The following CAMTA1 variants were observed in gnomAD, a reference collection of about 807,000 sequenced individuals.
The protein encoded by CAMTA1 is calmodulin-binding transcription activator 1.
CAMTA1 carries 27 observed loss-of-function variants against 170.9 expected under a neutral mutation model. That is an observed-to-expected ratio of 0.16 (90% CI 0.12 to 0.22). The LOEUF is 0.22. Among genes scored for constraint, CAMTA1 ranks in the 10% least tolerant of loss-of-function variants. CAMTA1 has a pLI of 1.00. For synonymous variants in CAMTA1, 833 were observed against 891.5 expected, an observed-to-expected ratio of 0.93 and a Z score of 1.17; for missense variants, 1,619 against 2,217.2, an observed-to-expected ratio of 0.73 and a Z score of 5.42.
intron 3 of CAMTA1, among the ~76,000 whole-genome samples, chr1:6,870,394 A>G (rs551648424): frequency 6.6e-6 from 1 of 152,296 alleles, no homozygotes; most frequent in African/African-American, 2.4e-5. Flanking sequence ...TTAGGGCACT[A>G]ACACTCGGAC....
chr1:7,495,022 G>C (rs1381919959), intron 6 of CAMTA1, among the ~76,000 whole-genome samples: 2 of 152,092 alleles, frequency 1.3e-5, no homozygotes, highest in Non-Finnish European at 2.9e-5. Context: ...CTTGTCCTGA[G>C]AAAAGGATCC....
intron 4 of CAMTA1, among the ~76,000 whole-genome samples, chr1:7,187,133 G>A (rs1653490417): frequency 6.6e-6 from 1 of 152,098 alleles, no homozygotes; most frequent in Non-Finnish European, 1.5e-5. Flanking sequence ...TGGGGCACAG[G>A]GCAGGGTGGG....
chr1:7,360,344 C>T (rs940955227), intron 5 of CAMTA1, among the ~76,000 whole-genome samples: 2 of 152,100 alleles, frequency 1.3e-5, no homozygotes, highest in African/African-American at 2.4e-5. Context: ...GGAGGTGATT[C>T]CCACCACAGC....
At chr1:7,000,373 A>G (rs1380780803) in intron 3 of CAMTA1, among the ~76,000 whole-genome samples, 1 of 152,228 alleles carries the variant, frequency 6.6e-6, no homozygotes, top group Non-Finnish European at 1.5e-5. Flanking sequence ...TGCGTCAGCC[A>G]CTGTCTTGCT....
intron 4 of CAMTA1, among the ~76,000 whole-genome samples, chr1:7,157,667 A>G (rs9434483): frequency 0.26 from 39,810 of 152,072 alleles, 5,348 homozygotes; most frequent in Non-Finnish European, 0.28. Context: ...CATCTATTGC[A>G]TGACCCAGCA....
At chr1:6,992,902 T>C (rs980911392) in intron 3 of CAMTA1, among the ~76,000 whole-genome samples, 11 of 152,244 alleles carry the variant, frequency 7.2e-5, no homozygotes, top group African/African-American at 2.7e-4. Context: ...GATTAACTTT[T>C]ATGTATGGTG....
intron 3 of CAMTA1, among the ~76,000 whole-genome samples, chr1:6,839,485 G>C (rs1052853837): frequency 2.6e-5 from 4 of 152,156 alleles, no homozygotes; most frequent in African/African-American, 9.7e-5. Flanking sequence ...TATGTGCCAG[G>C]CACTAGTTGG....
intron 3 of CAMTA1, among the ~76,000 whole-genome samples, chr1:7,025,809 A>G (rs963191858): frequency 6.6e-6 from 1 of 152,184 alleles, no homozygotes; most frequent in Non-Finnish European, 1.5e-5. Flanking sequence ...AGCTAAATCT[A>G]AGGAGTAATT....
At chr1:7,602,020 G>GGGAGAGGAGGGAGAGGAAGGA (rs1557986249) in intron 6 of CAMTA1, among the ~76,000 whole-genome samples, 1 of 75,448 alleles carries the variant, frequency 1.3e-5, no homozygotes, top group African/African-American at 5.4e-5. Context: ...GAGAGGGAGA[G>GGGAGAGGAGGGAGAGGAAGGA]GAGGGAGAGG....
At chr1:6,824,969 G>T in intron 2 of CAMTA1, 123 bp from the exon 3 acceptor site, 1 of 550,342 alleles carries the variant, frequency 1.8e-6, no homozygotes, top group Non-Finnish European at 3.3e-6. Context: ...AGGAATAGTG[G>T]GGCCTCTGAT....
At chr1:7,371,198 A>G (rs1557606009) in intron 5 of CAMTA1, among the ~76,000 whole-genome samples, 1 of 151,622 alleles carries the variant, frequency 6.6e-6, no homozygotes, top group Non-Finnish European at 1.5e-5. Flanking sequence ...GGCGTGAGCC[A>G]CCGTGCCTGG....
chr1:7,075,676 T>A (rs1639203734), intron 3 of CAMTA1, among the ~76,000 whole-genome samples: 1 of 151,750 alleles, frequency 6.6e-6, no homozygotes, highest in Non-Finnish European at 1.5e-5. Flanking sequence ...TTTTTTTTTT[T>A]TTTTGAGACG....
At chr1:6,952,550 A>T (rs1434789693) in intron 3 of CAMTA1, among the ~76,000 whole-genome samples, 2 of 151,748 alleles carry the variant, frequency 1.3e-5, no homozygotes, top group Non-Finnish European at 2.9e-5. Context: ...AAAAACAACT[A>T]TTTGGCCAGG....
intron 3 of CAMTA1, among the ~76,000 whole-genome samples, chr1:7,001,559 A>G (rs903101266): frequency 1.3e-5 from 2 of 152,206 alleles, no homozygotes; most frequent in African/African-American, 4.8e-5. Context: ...CATCTCATCC[A>G]TGAGGGCGTT....
At position 7,195,795 on chromosome 1, in the gene CAMTA1, G is replaced by A; in HGVS notation, c.303-53696G>A. 6.6e-6 allele frequency among the ~76,000 whole-genome samples: 1 copy of A among 152,224 alleles called. No homozygotes were observed. Among genetic ancestry groups the A allele is most frequent in the East Asian group, 1.9e-4 (1 of 5,196 alleles). Reference sequence around the variant, plus strand: ...GCACTTTGGGAAGCCAAGGCAGGCAGATCACCTGAGGTCAGGAGTTCAAGA... The same window carrying A: ...GCACTTTGGGAAGCCAAGGCAGGCAAATCACCTGAGGTCAGGAGTTCAAGA... On this transcript the variant is annotated intron_variant, in intron 4 of 22. Coordinates refer to ENST00000303635, the MANE Select transcript of CAMTA1 (RefSeq NM_015215.4). The surrounding 1 kb of genome is among the most constrained non-coding windows in gnomAD (Gnocchi z 4.1).
chr1:7,202,729 G>A (rs1325579250), intron 4 of CAMTA1, among the ~76,000 whole-genome samples: 2 of 152,054 alleles, frequency 1.3e-5, no homozygotes, highest in Non-Finnish European at 2.9e-5. Context: ...TATTGATCTT[G>A]TAACCTGCAA....
intron 3 of CAMTA1, among the ~76,000 whole-genome samples, chr1:6,931,810 C>T (rs1480348092): frequency 1.3e-5 from 2 of 152,106 alleles, no homozygotes; most frequent in Non-Finnish European, 2.9e-5. Context: ...ATCTTTGTTC[C>T]CTGGGGACTT....
intron 5 of CAMTA1, among the ~76,000 whole-genome samples, chr1:7,451,068 T>G (rs1199103794): frequency 6.6e-6 from 1 of 152,162 alleles, no homozygotes; most frequent in East Asian, 1.9e-4. Flanking sequence ...TAGAGACTTA[T>G]GTACATGTTG....
At chr1:7,356,469 TC>T (rs1345393522) in intron 5 of CAMTA1, among the ~76,000 whole-genome samples, 1 of 152,172 alleles carries the variant, frequency 6.6e-6, no homozygotes, top group Non-Finnish European at 1.5e-5. Context: ...GAAAGATGTG[TC>T]CCCAGAGCCT....
Sources: gnomAD v4.1 joint callset for allele counts (sites outside exome capture counted in the v4.1 genomes callset) on GRCh38, gnomAD v4.1.1 for gene constraint, Gnocchi (gnomAD v3.1) non-coding constraint, MANE v1.5 for transcripts, NCBI Gene and HGNC (gene_info 2026-07-23, HGNC 2026-07-21) for gene names.